NGFR: variants seen among roughly 807,000 people sequenced by gnomAD.
The protein encoded by NGFR is tumor necrosis factor receptor superfamily member 16.
NGFR carries 30 observed loss-of-function variants against 43.2 expected under a neutral mutation model. The ratio of observed to expected loss-of-function variants is 0.69; its 90% confidence interval spans 0.52 to 0.94. NGFR has a LOEUF of 0.94. Ranked by LOEUF, NGFR falls within the 40% of genes least tolerant of loss-of-function variation. NGFR has a pLI of 0.00. For synonymous variants in NGFR, 246 were observed against 259.6 expected, an observed-to-expected ratio of 0.95 and a Z score of 0.50; for missense variants, 529 against 602.5, an observed-to-expected ratio of 0.88 and a Z score of 1.28.
At chr17:49,507,368 G>T (rs1229237196) in intron 3 of NGFR, among the ~76,000 whole-genome samples, 2 of 152,180 alleles carry the variant, frequency 1.3e-5, no homozygotes, top group Non-Finnish European at 2.9e-5. Context: ...GGGGCATGCA[G>T]GGAACACTAA....
chr17:49,509,537 C>G (rs895633314), intron 3 of NGFR, among the ~76,000 whole-genome samples: 1 of 152,200 alleles, frequency 6.6e-6, no homozygotes, highest in Admixed American at 6.5e-5. Flanking sequence ...GGGAGGCTGG[C>G]AATGCCCAGC....
chr17:49,509,528 G>C (rs2071218814), intron 3 of NGFR, among the ~76,000 whole-genome samples: 1 of 152,210 alleles, frequency 6.6e-6, no homozygotes, highest in Non-Finnish European at 1.5e-5. Flanking sequence ...CCCCTGCCAG[G>C]GAGGCTGGCA....
intron 1 of NGFR, among the ~76,000 whole-genome samples, chr17:49,499,540 C>T (rs2071155821): frequency 6.6e-6 from 1 of 152,132 alleles, no homozygotes; most frequent in Admixed American, 6.6e-5. Flanking sequence ...CCTCCTGGTT[C>T]AGATCCTATT....
rs2071175050 is a variant in NGFR, at chr17:49,502,823, C to CCTTT, written c.208+622_208+623insTCTT. ...CATTCCTGCCTGGGATTTCTTCCTT[C>CCTTT]CTTCCTTCCTTCCTTCCTTCCTTCC... is the stretch of plus-strand genomic sequence containing the variant. On this transcript the variant is annotated intron_variant, in intron 2 of 5. Transcript: ENST00000172229. Among the ~76,000 whole-genome samples, 13 of 117,850 alleles carry CCTTT rather than the reference C, an allele frequency of 1.1e-4. No individual in the cohort carries two copies. In the South Asian group the frequency reaches 3.2e-3, roughly 29 times the overall value. The allele number at this position is 117,850 out of a possible 152,430, so 77.3% of individuals were successfully genotyped here. A position where few individuals can be genotyped will look rare whatever the true frequency, so the allele number is the denominator to read the frequency against.
intron 3 of NGFR, among the ~76,000 whole-genome samples, chr17:49,507,788 A>G (rs1391417058): frequency 6.6e-6 from 1 of 152,126 alleles, no homozygotes; most frequent in African/African-American, 2.4e-5. Flanking sequence ...GTGAGCCCCC[A>G]GTTTGATGGG....
At position 49,511,920 on chromosome 17, in the gene NGFR, G is replaced by A. The variant is rs2071235323; in HGVS notation, c.850G>A (p.Gly284Arg). The change falls in exon 5 of 6, where the codon GGA (glycine) becomes AGA (arginine). Residue 284 changes from glycine (G) to arginine (R), a missense_variant. By Grantham distance (125) the Gly-to-Arg change is moderately radical. Transcript: ENST00000172229. ...RWNSCKQNKQGANSRPVNQTP... is the reference protein window; with the variant it reads ...RWNSCKQNKQRANSRPVNQTP... ...GAACAGCTGCAAGCAGAACAAGCAA[G>A]GAGCCAACAGCCGGCCAGTGAACCA... 1 of 1,611,664 alleles carries A rather than the reference G, an allele frequency of 6.2e-7. No individual in the cohort carries two copies. Among genetic ancestry groups the A allele is most frequent in the East Asian group, 2.2e-5 (1 of 44,838 alleles).
chr17:49,500,375 T>C (rs1223657799), intron 1 of NGFR, among the ~76,000 whole-genome samples: 1 of 152,212 alleles, frequency 6.6e-6, no homozygotes, highest in Non-Finnish European at 1.5e-5. Context: ...GTATGCATTG[T>C]GTCCCTACTG....
At chr17:49,505,462 C>A (rs141523810) in intron 2 of NGFR, among the ~76,000 whole-genome samples, 1 of 152,246 alleles carries the variant, frequency 6.6e-6, no homozygotes, top group Non-Finnish European at 1.5e-5. Context: ...GCCCAGCCTC[C>A]TTCTCCTTAT....
chr17:49,499,275 A>G (rs1355515792), intron 1 of NGFR, among the ~76,000 whole-genome samples: 1 of 152,206 alleles, frequency 6.6e-6, no homozygotes, highest in Non-Finnish European at 1.5e-5. Flanking sequence ...ACACCACCCA[A>G]GACCACTGTA....
In NGFR at chr17:49,495,958, G is replaced by A; in HGVS notation, c.66+475G>A. The A allele has an allele frequency of 6.2e-6, 1 of 160,124 alleles. No homozygotes were observed. Among genetic ancestry groups the A allele is most frequent in the Non-Finnish European group, 1.4e-5 (1 of 73,678 alleles). The allele number at this position is 160,124 out of a possible 1,614,324, so 9.9% of individuals were successfully genotyped here. ...AGCTGGGCTGGGGCGGGGAGCCCGGGACGACGGGATGGAACAATGGAGGAG... is the reference window on the plus strand; with the variant it reads ...AGCTGGGCTGGGGCGGGGAGCCCGGAACGACGGGATGGAACAATGGAGGAG... On this transcript the variant is annotated intron_variant, in intron 1 of 5. Transcript: ENST00000172229. The surrounding 1 kb of genome is among the most constrained non-coding windows in gnomAD (Gnocchi z 6.4).
chr17:49,502,112 A>G lies in NGFR; in HGVS notation c.116A>G (p.His39Arg). The G allele has an allele frequency of 5.6e-6, 9 of 1,610,786 alleles. No homozygotes were observed. The highest frequency in any genetic ancestry group is 7.6e-6 in the Non-Finnish European group (9 of 1,178,538). ...GCATGCCCCACAGGCCTGTACACAC[A>G]CAGCGGTGAGTGCTGCAAAGCCTGC... ...KEACPTGLYT[H>R]SGECCKACNL... is the part of the protein sequence containing the mutation. Residue 39 changes from histidine to arginine, a missense_variant, in exon 2 of 6, where the codon CAC becomes CGC. Coordinates refer to ENST00000172229, the MANE Select transcript of NGFR (RefSeq NM_002507.4).
chr17:49,499,864 G>T (rs1168329719), intron 1 of NGFR, among the ~76,000 whole-genome samples: 2 of 152,192 alleles, frequency 1.3e-5, no homozygotes, highest in African/African-American at 2.4e-5. Flanking sequence ...TGGGATTACA[G>T]GCGTAAGCCA....
intron 1 of NGFR, 64 bp from the exon 2 acceptor site, chr17:49,501,999 A>AGGGGGGCCCCCCCCCCCCCC: frequency 3.0e-6 from 1 of 330,984 alleles, no homozygotes; most frequent in Admixed American, 3.5e-5. Flanking sequence ...TCCCCGGAAG[A>AGGGGGGCCCCCCCCCCCCCC]ACCCCCCCCA....
intron 1 of NGFR, 45 bp from the exon 2 acceptor site, chr17:49,502,018 C>CCCCCCCAAG: frequency 7.6e-7 from 1 of 1,320,360 alleles, no homozygotes; most frequent in Non-Finnish European, 1.0e-6. Flanking sequence ...CAACCCACCC[C>CCCCCCCAAG]AGCTTTCTCT....
At chr17:49,504,194 C>T (rs2071183166) in intron 2 of NGFR, among the ~76,000 whole-genome samples, 1 of 152,160 alleles carries the variant, frequency 6.6e-6, no homozygotes, top group African/African-American at 2.4e-5. Context: ...CAAAAAAGAC[C>T]ACATTTTTCA....
At chr17:49,500,737 C>A (rs928837045) in intron 1 of NGFR, among the ~76,000 whole-genome samples, 9 of 152,130 alleles carry the variant, frequency 5.9e-5, no homozygotes, top group African/African-American at 1.4e-4. Flanking sequence ...GCGGCAACAC[C>A]AAGGTTCCAC....
In NGFR at chr17:49,502,007, C is replaced by CG. The variant is rs1357484098; in HGVS notation, c.67-56_67-55insG. On this transcript the variant is annotated intron_variant, in intron 1 of 5. Transcript: ENST00000172229. ...GTTTGATTCCCCGGAAGAACCCCCC[C>CG]CAACCCACCCCAGCTTTCTCTTGCC... is the stretch of plus-strand genomic sequence containing the variant. The CG allele has an allele frequency of 1.0e-5, 7 of 667,572 alleles. No homozygotes were observed. In the East Asian group the frequency reaches 1.3e-4, roughly 13 times the overall value. 41.4% of individuals were successfully genotyped at this position (667,572 alleles called of 1,614,324 possible).
Position 49,512,061 on chromosome 17 carries a change from CG to C in NGFR, c.982+11del. On this transcript the variant is annotated intron_variant, in intron 5 of 5. Coordinates refer to ENST00000172229, the MANE Select transcript of NGFR (RefSeq NM_002507.4). The surrounding 1 kb of genome is among the most constrained non-coding windows in gnomAD (Gnocchi z 5.2). ...GACAGCCTCGGGCCAGGGTGAGCAG[CG>C]GCCCGCTGGGGAGCTGAGGCGGAGC... 6.2e-7 allele frequency: 1 copy of C among 1,610,798 alleles called. No individual in the cohort carries two copies. The highest frequency in any genetic ancestry group is 8.5e-7 in the Non-Finnish European group (1 of 1,178,548).
chr17:49,510,679 G>A lies in NGFR; in HGVS notation c.821+15G>A, dbSNP rs11466156. 1,265 of 1,607,950 alleles carry A rather than the reference G, an allele frequency of 7.9e-4. 11 individuals are homozygous for A. The African/African-American group carries it at 0.015, about 19-fold the overall frequency. ...GCCTTCAAGAGGTAAGAGAGGGCACGGTGGCGACAGAGAGGGGAGATGTTT... is the reference window on the plus strand; with the variant it reads ...GCCTTCAAGAGGTAAGAGAGGGCACAGTGGCGACAGAGAGGGGAGATGTTT... On this transcript the variant is annotated intron_variant, in intron 4 of 5. Coordinates refer to ENST00000172229, the MANE Select transcript of NGFR (RefSeq NM_002507.4).
Sources: allele counts gnomAD v4.1 joint callset (sites outside exome capture counted in the v4.1 genomes callset), GRCh38; gene constraint gnomAD v4.1.1; non-coding constraint Gnocchi (gnomAD v3.1); transcripts MANE v1.5; gene names NCBI Gene and HGNC (gene_info 2026-07-23, HGNC 2026-07-21).